PRKCG: variants seen among roughly 807,000 people sequenced by gnomAD.
The protein encoded by PRKCG is protein kinase C gamma type.
Under a neutral mutation model 82.0 loss-of-function variants are expected in PRKCG, and 28 were observed. The observed-to-expected ratio is 0.34, with a 90% CI of 0.25 to 0.47. PRKCG has a LOEUF of 0.47. Among genes scored for constraint, PRKCG ranks in the 20% least tolerant of loss-of-function variants. The probability of loss-of-function intolerance (pLI) is 1.00; values close to 1 mark genes in which losing one functional copy is unlikely to be tolerated. For synonymous variants in PRKCG, 383 were observed against 376.6 expected, an observed-to-expected ratio of 1.02 and a Z score of -0.20; for missense variants, 640 against 952.7, an observed-to-expected ratio of 0.67 and a Z score of 4.32.
At chr19:53,894,376 T>C (rs2068702818) in intron 9 of PRKCG, among the ~76,000 whole-genome samples, 1 of 152,140 alleles carries the variant, frequency 6.6e-6, no homozygotes, top group Non-Finnish European at 1.5e-5. Flanking sequence ...ATTCTTGAGT[T>C]TTAAAAAATC....
chr19:53,881,308 G>T (rs1286551794), upstream of PRKCG, among the ~76,000 whole-genome samples: 1 of 151,958 alleles, frequency 6.6e-6, no homozygotes, highest in Admixed American at 6.6e-5. Flanking sequence ...GGAGAGAGAG[G>T]GAGAGACAGG....
intron 8 of PRKCG, 43 bp downstream of exon 8, chr19:53,893,118 C>T (rs760929193): frequency 1.3e-6 from 2 of 1,569,378 alleles, no homozygotes; most frequent in Non-Finnish European, 1.7e-6. Flanking sequence ...AGCCCAGCCT[C>T]CCACGGTTCA....
rs1331639184 is a variant in PRKCG, at chr19:53,892,823, C to T, written c.822-165C>T. ...ACCCCTCTCTCTCTATTCTTCTCTT[C>T]TTCTCCCCTCCCTTTCTCCCTCTCC... On this transcript the variant is annotated intron_variant, in intron 7 of 17. Coordinates refer to ENST00000263431, the MANE Select transcript of PRKCG (RefSeq NM_002739.5). This position sits in a 1 kb window ranked among gnomAD's most constrained non-coding sequence, Gnocchi z 5.9. 2.6e-5 allele frequency among the ~76,000 whole-genome samples: 4 copies of T among 151,444 alleles called. No individual in the cohort carries two copies. The highest frequency in any genetic ancestry group is 9.7e-5 in the African/African-American group (4 of 41,156).
intron 3 of PRKCG, among the ~76,000 whole-genome samples, chr19:53,887,519 AAAAAAAAAAAAAAAAAG>A (rs1167497197): frequency 2.8e-5 from 4 of 143,640 alleles, no homozygotes; most frequent in African/African-American, 8.1e-5. Flanking sequence ...AAAAAAAAAA[AAAAAAAAAAAAAAAAAG>A]GTAACATGCC....
intron 11 of PRKCG, among the ~76,000 whole-genome samples, 159 bp downstream of exon 11, chr19:53,898,787 G>T: frequency 7.4e-6 from 1 of 134,646 alleles, no homozygotes; most frequent in Non-Finnish European, 1.6e-5. Context: ...GTGGCCGGGG[G>T]GGGGTCCTTG....
chr19:53,907,073 A>G lies in PRKCG; in HGVS notation c.*178A>G. 7.1e-7 allele frequency: 1 copy of G among 1,398,604 alleles called. No homozygotes were observed. The highest frequency in any genetic ancestry group is 9.7e-7 in the Non-Finnish European group (1 of 1,035,984). 86.6% of individuals were successfully genotyped at this position (1,398,604 alleles called of 1,614,324 possible). A position where few individuals can be genotyped will look rare whatever the true frequency, so the allele number is the denominator to read the frequency against. Reference sequence around the variant, plus strand: ...AAGCGTTCCTGGCCTTCTGAACTCCATACAGCCTCTACAGCCGTCCCGCGT... The same window carrying G: ...AAGCGTTCCTGGCCTTCTGAACTCCGTACAGCCTCTACAGCCGTCCCGCGT... On this transcript the variant is annotated 3_prime_UTR_variant, in exon 18 of 18. Coordinates refer to ENST00000263431, the MANE Select transcript of PRKCG (RefSeq NM_002739.5).
intron 11 of PRKCG, among the ~76,000 whole-genome samples, chr19:53,899,632 G>C (rs1011044795): frequency 6.6e-6 from 1 of 151,920 alleles, no homozygotes; most frequent in Non-Finnish European, 1.5e-5. Context: ...TGTCCCCCAG[G>C]CTGGAGTGCA....
chr19:53,889,172 G>C lies in PRKCG; in HGVS notation c.286-466G>C, dbSNP rs991409699. On this transcript the variant is annotated intron_variant, in intron 3 of 17. Coordinates refer to ENST00000263431, the MANE Select transcript of PRKCG (RefSeq NM_002739.5). This position sits in a 1 kb window ranked among gnomAD's most constrained non-coding sequence, Gnocchi z 4.4. ...TTTGCCATGTTGCCTAGCCTGGTCC[G>C]GAACTCCTGAGCTCAAGGCAATCCG... is the stretch of plus-strand genomic sequence containing the variant. Among the ~76,000 whole-genome samples the C allele has an allele frequency of 6.6e-6, 1 of 151,908 alleles. No homozygotes were observed. The highest frequency in any genetic ancestry group is 1.5e-5 in the Non-Finnish European group (1 of 67,986).
chr19:53,895,841 C>T (rs547472914), intron 9 of PRKCG, among the ~76,000 whole-genome samples: 25 of 152,160 alleles, frequency 1.6e-4, no homozygotes, highest in Admixed American at 1.4e-3. Flanking sequence ...GGGTGGATCA[C>T]GAGGTCAGGA....
At chr19:53,903,215 CAGG>C (rs1172412730) in intron 15 of PRKCG, 62 bp downstream of exon 15, 36 of 1,307,940 alleles carry the variant, frequency 2.8e-5, no homozygotes, top group Non-Finnish European at 3.9e-5. Context: ...ACCTGGATCT[CAGG>C]AGGAGCCAGT....
intron 9 of PRKCG, among the ~76,000 whole-genome samples, chr19:53,893,865 T>A (rs1209597254): frequency 6.6e-6 from 1 of 152,028 alleles, no homozygotes; most frequent in Admixed American, 6.6e-5. Context: ...GCAATTCTCT[T>A]GCCTCAGCCT....
intron 15 of PRKCG, among the ~76,000 whole-genome samples, chr19:53,903,648 C>G: frequency 6.6e-6 from 1 of 152,238 alleles, no homozygotes; most frequent in Non-Finnish European, 1.5e-5. Context: ...GAGGCTGAGG[C>G]AGGAGGGTCA....
In PRKCG at chr19:53,904,722, G is replaced by T. The variant is rs1053831444; in HGVS notation, c.1744G>T (p.Ala582Ser). Residue 582 changes from alanine (A) to serine (S), a missense_variant, in exon 16 of 18, where the codon GCC (alanine) becomes TCC (serine). Physicochemically the swap from Ala to Ser is moderately conservative, Grantham distance 99. Transcript: ENST00000263431. ...VTYPKSLSRE[A>S]VAICKGFLTK... Reference sequence around the variant, plus strand: ...CTACCCCAAGTCGCTTTCCCGGGAAGCCGTGGCCATCTGCAAGGGGGTGAG... The same window carrying T: ...CTACCCCAAGTCGCTTTCCCGGGAATCCGTGGCCATCTGCAAGGGGGTGAG... The T allele has an allele frequency of 6.2e-7, 1 of 1,613,800 alleles. No homozygotes were observed. Among genetic ancestry groups the T allele is most frequent in the African/African-American group, 1.3e-5 (1 of 74,970 alleles).
chr19:53,891,629 T>C, intron 5 of PRKCG, 45 bp from the exon 6 acceptor site: 1 of 1,609,018 alleles, frequency 6.2e-7, no homozygotes, highest in Non-Finnish European at 8.5e-7. Flanking sequence ...GGGAGCCCCT[T>C]CCTGGATCTC....
Position 53,898,207 on chromosome 19 carries a change from G to A in PRKCG, c.1092+96G>A. ...GGAAGTGGGGGTGGGAAGAGACTGG[G>A]CTCCTGCATCTTCAAATATGGTTAG... On this transcript the variant is annotated intron_variant, in intron 10 of 17. Transcript: ENST00000263431. 3.3e-6 allele frequency: 5 copies of A among 1,516,404 alleles called. No individual in the cohort carries two copies. The Admixed American group carries it at 9.6e-5, about 29-fold the overall frequency. The allele number at this position is 1,516,404 out of a possible 1,614,324, so 93.9% of individuals were successfully genotyped here.
rs1337315617 is a variant in PRKCG at position 53,889,607 on chromosome 19, C to T, written c.286-31C>T. The T allele has an allele frequency of 6.4e-7, 1 of 1,568,546 alleles. No homozygotes were observed. On this transcript the variant is annotated intron_variant, in intron 3 of 17. Transcript: ENST00000263431. This position sits in a 1 kb window ranked among gnomAD's most constrained non-coding sequence, Gnocchi z 4.4. ...CCCTGGGGTTTTAGGACCCTCCCAA[C>T]GCCCCCTAAGCCAGTCTTCTCTGCC...
Position 53,882,716 on chromosome 19 carries a change from C to T in PRKCG, c.170+52C>T, listed in dbSNP as rs1175315236. 6.2e-7 allele frequency: 1 copy of T among 1,600,014 alleles called. No homozygotes were observed. The stretch of plus-strand genomic sequence containing the variant: ...GGGACGAGGGGACTAGGGGTGCAGA[C>T]TCCTATCACGCCGACCCCTGTGGAA... On this transcript the variant is annotated intron_variant, in intron 1 of 17. Coordinates refer to ENST00000263431, the MANE Select transcript of PRKCG (RefSeq NM_002739.5). This position sits in a 1 kb window ranked among gnomAD's most constrained non-coding sequence, Gnocchi z 6.1.
chr19:53,896,416 A>ATTC (rs1286046682), intron 9 of PRKCG, among the ~76,000 whole-genome samples: 1 of 125,764 alleles, frequency 8.0e-6, no homozygotes, highest in Non-Finnish European at 1.8e-5. Context: ...TATTATTATT[A>ATTC]TTATTATGTA....
intron 3 of PRKCG, among the ~76,000 whole-genome samples, chr19:53,888,810 CCCA>C (rs2068650251): frequency 6.6e-6 from 1 of 152,092 alleles, no homozygotes; most frequent in African/African-American, 2.4e-5. Flanking sequence ...TTCAGGGTGG[CCCA>C]CAAGTCCTCA....
Sources: gnomAD v4.1 joint callset for allele counts (sites outside exome capture counted in the v4.1 genomes callset) on GRCh38, gnomAD v4.1.1 for gene constraint, Gnocchi (gnomAD v3.1) non-coding constraint, MANE v1.5 for transcripts, NCBI Gene and HGNC (gene_info 2026-07-23, HGNC 2026-07-21) for gene names.